The following BORCS5 variants were observed in gnomAD, a reference collection of about 807,000 sequenced individuals.
BORCS5 encodes the protein BLOC-1 related complex subunit 5, also known as BLOC-1-related complex subunit 5.
A neutral mutation model predicts 22.1 loss-of-function variants in BORCS5; 17 were observed. The ratio of observed to expected loss-of-function variants is 0.77; its 90% CI spans 0.53 to 1.15. The LOEUF is 1.15. Among genes scored for constraint, BORCS5 ranks in the 50% most tolerant of loss-of-function variants. The pLI, the probability that BORCS5 is intolerant of heterozygous loss-of-function variation, is 0.00. For synonymous variants in BORCS5, 117 were observed against 99.8 expected, an observed-to-expected ratio of 1.17 and a Z score of -1.03; for missense variants, 247 against 253.2, an observed-to-expected ratio of 0.98 and a Z score of 0.17.
chr12:12,375,214 T>C (rs1367938463), intron 2 of BORCS5, among the ~76,000 whole-genome samples: 2 of 152,120 alleles, frequency 1.3e-5, no homozygotes, highest in African/African-American at 4.8e-5. Context: ...TGTTTTACCA[T>C]GTTGGCCAAG....
intron 2 of BORCS5, among the ~76,000 whole-genome samples, chr12:12,403,483 G>A (rs965877608): frequency 3.3e-5 from 5 of 152,178 alleles, no homozygotes; most frequent in Admixed American, 1.3e-4. Flanking sequence ...GCTGTGGGGG[G>A]CACCTTCCTG....
chr12:12,420,672 C>G (rs34026123), intron 2 of BORCS5, among the ~76,000 whole-genome samples: 1 of 152,054 alleles, frequency 6.6e-6, no homozygotes, highest in South Asian at 2.1e-4. Flanking sequence ...TCTTTGTATC[C>G]GTGAGCATGG....
At chr12:12,437,703 C>T (rs987556945) in intron 3 of BORCS5, among the ~76,000 whole-genome samples, 1 of 152,076 alleles carries the variant, frequency 6.6e-6, no homozygotes, top group Non-Finnish European at 1.5e-5. Flanking sequence ...TATTAATGTC[C>T]CATAAAGTAG....
intron 2 of BORCS5, among the ~76,000 whole-genome samples, chr12:12,398,193 T>A (rs1941394337): frequency 6.6e-6 from 1 of 152,184 alleles, no homozygotes; most frequent in African/African-American, 2.4e-5. Context: ...GCCTCAAAAC[T>A]GAGCAAACGT....
chr12:12,468,889 A>G lies in BORCS5; in HGVS notation c.*3113A>G, dbSNP rs2136171199. 1 of 152,250 alleles carries G rather than the reference A, an allele frequency of 6.6e-6. No individual in the cohort carries two copies. Among genetic ancestry groups the G allele is most frequent in the East Asian group, 1.9e-4 (1 of 5,176 alleles). 9.4% of individuals were successfully genotyped at this position (152,250 alleles called of 1,614,324 possible). ...AGTTTTATTCTTAGTAACGCTATAT[A>G]TGGTTTTATAGACCACACATATATA... is the stretch of plus-strand genomic sequence containing the variant. On this transcript the variant is annotated 3_prime_UTR_variant, in exon 4 of 4. Coordinates refer to ENST00000314565, the MANE Select transcript of BORCS5 (RefSeq NM_058169.6).
At position 12,466,067 on chromosome 12, in the gene BORCS5, G is replaced by GT. The variant is rs61212144; in HGVS notation, c.*306dup. 4.1e-3 allele frequency: 855 copies of GT among 207,614 alleles called. No homozygotes were observed. The highest frequency in any genetic ancestry group is 7.0e-3 in the South Asian group (67 of 9,552). The allele number at this position is 207,614 out of a possible 1,614,324, so 12.9% of individuals were successfully genotyped here. On this transcript the variant is annotated 3_prime_UTR_variant, in exon 4 of 4. Coordinates refer to ENST00000314565, the MANE Select transcript of BORCS5 (RefSeq NM_058169.6). Reference sequence around the variant, plus strand: ...CTGCATTGAGAATTATTTTTATTTAGTTTTTTTTTTTTTTTAATTGAGAGT... The same window carrying GT: ...CTGCATTGAGAATTATTTTTATTTAGTTTTTTTTTTTTTTTTAATTGAGAGT...
At chr12:12,379,117 C>CT (rs1036233741) in intron 2 of BORCS5, among the ~76,000 whole-genome samples, 1,962 of 143,030 alleles carry the variant, frequency 0.014, 79 homozygotes, top group African/African-American at 0.044. Flanking sequence ...TTTCTTTTCT[C>CT]TTTTTTTTTT....
In BORCS5 at chr12:12,468,028, C is replaced by T. The variant is rs1425014246; in HGVS notation, c.*2252C>T. On this transcript the variant is annotated 3_prime_UTR_variant, in exon 4 of 4. Coordinates refer to ENST00000314565, the MANE Select transcript of BORCS5 (RefSeq NM_058169.6). ...TGAAGGTTTGGGGATGAGAGACCAGCACGGGCTCTGATGAGAGACAGGTGC... is the reference window on the plus strand; with the variant it reads ...TGAAGGTTTGGGGATGAGAGACCAGTACGGGCTCTGATGAGAGACAGGTGC... 1 of 152,226 alleles carries T rather than the reference C, an allele frequency of 6.6e-6. No homozygotes were observed. The highest frequency in any genetic ancestry group is 1.5e-5 in the Non-Finnish European group (1 of 68,082). The allele number at this position is 152,226 out of a possible 1,614,324, so 9.4% of individuals were successfully genotyped here. A position where few individuals can be genotyped will look rare whatever the true frequency, so the allele number is the denominator to read the frequency against.
chr12:12,412,539 T>A (rs1287503264), intron 2 of BORCS5, among the ~76,000 whole-genome samples: 1 of 152,238 alleles, frequency 6.6e-6, no homozygotes, highest in Non-Finnish European at 1.5e-5. Flanking sequence ...TCAGGTTTTC[T>A]ATATATGAGA....
In BORCS5 at chr12:12,357,320, C is replaced by T. The variant is rs1863162735; in HGVS notation, c.-132C>T. On this transcript the variant is annotated 5_prime_UTR_variant, in exon 1 of 4. Coordinates refer to ENST00000314565, the MANE Select transcript of BORCS5 (RefSeq NM_058169.6). Reference sequence around the variant, plus strand: ...GTGGGCTGGACGCGTCAGCCCCACACATTAGCCTCGCTGCGGCGCCCAGAC... The same window carrying T: ...GTGGGCTGGACGCGTCAGCCCCACATATTAGCCTCGCTGCGGCGCCCAGAC... 7.5e-6 allele frequency: 11 copies of T among 1,474,416 alleles called. No individual in the cohort carries two copies. The highest frequency in any genetic ancestry group is 2.3e-5 in the Admixed American group (1 of 42,922). 91.3% of individuals were successfully genotyped at this position (1,474,416 alleles called of 1,614,324 possible). A position where few individuals can be genotyped will look rare whatever the true frequency, so the allele number is the denominator to read the frequency against.
At chr12:12,453,416 C>G (rs1364672724) in intron 3 of BORCS5, among the ~76,000 whole-genome samples, 1 of 152,184 alleles carries the variant, frequency 6.6e-6, no homozygotes, top group Non-Finnish European at 1.5e-5. Context: ...GCAGACTCAG[C>G]TACCACCTTC....
In BORCS5 at chr12:12,452,763, A is replaced by G. The variant is rs536311708; in HGVS notation, c.361-12783A>G. ...TGTGCTAGAGAGAGGCGTCCAGGAA[A>G]GATTCATACTCCCAAACCCTCCATG... On this transcript the variant is annotated intron_variant, in intron 3 of 3. Transcript: ENST00000314565. 7.9e-5 allele frequency among the ~76,000 whole-genome samples: 12 copies of G among 152,354 alleles called. No homozygotes were observed. In the South Asian group the frequency reaches 1.7e-3, roughly 21 times the overall value.
rs190594803 is a variant in BORCS5, at chr12:12,394,369, A to C, written c.202+33020A>C. On this transcript the variant is annotated intron_variant, in intron 2 of 3. Coordinates refer to ENST00000314565, the MANE Select transcript of BORCS5 (RefSeq NM_058169.6). ...AGACAAACCAATAGGCCTCTGAGGC[A>C]GTCTGAAGGGCTTCCTGTTATTAAA... is the stretch of plus-strand genomic sequence containing the variant. 2.7e-4 allele frequency among the ~76,000 whole-genome samples: 41 copies of C among 152,096 alleles called. No individual in the cohort carries two copies. The East Asian group carries it at 7.9e-3, about 29-fold the overall frequency.
intron 2 of BORCS5, among the ~76,000 whole-genome samples, chr12:12,421,164 C>T (rs915789926): frequency 3.3e-5 from 5 of 152,088 alleles, no homozygotes; most frequent in Non-Finnish European, 7.4e-5. Context: ...TTTGCCCATT[C>T]GGTATGATAC....
In BORCS5 at chr12:12,396,808, A is replaced by G. The variant is rs575174880; in HGVS notation, c.202+35459A>G. ...CATTAACCTTTATGTTAATAAAATA[A>G]TGTTTTTAAATGAGCATATGAAATC... On this transcript the variant is annotated intron_variant, in intron 2 of 3. Transcript: ENST00000314565. Among the ~76,000 whole-genome samples the G allele has an allele frequency of 1.5e-4, 23 of 152,316 alleles. No individual in the cohort carries two copies. The South Asian group carries it at 4.3e-3, about 29-fold the overall frequency.
At position 12,357,478 on chromosome 12, in the gene BORCS5, C is replaced by T. The variant is rs780582408; in HGVS notation, c.27C>T (p.Ala9=). Residue 9 remains alanine, a synonymous_variant, in exon 1 of 4, where the codon GCC becomes GCT. Transcript: ENST00000314565. MGSEQSSE[A]ESRPNDLNSS... is the part of the protein sequence containing the mutation. ...TGGGCAGTGAGCAGAGCTCCGAGGCCGAGAGCCGACCCAACGATCTGAACT... is the reference window on the plus strand; with the variant it reads ...TGGGCAGTGAGCAGAGCTCCGAGGCTGAGAGCCGACCCAACGATCTGAACT... 6.2e-7 allele frequency: 1 copy of T among 1,611,150 alleles called. No homozygotes were observed. Among genetic ancestry groups the T allele is most frequent in the Admixed American group, 1.7e-5 (1 of 59,954 alleles).
chr12:12,371,690 A>G (rs886582377), intron 2 of BORCS5, among the ~76,000 whole-genome samples: 4 of 151,794 alleles, frequency 2.6e-5, no homozygotes, highest in South Asian at 2.1e-4. Flanking sequence ...AACTTTGGTC[A>G]TTATGTCTTC....
At chr12:12,370,099 T>C (rs1056298030) in intron 2 of BORCS5, among the ~76,000 whole-genome samples, 11 of 145,300 alleles carry the variant, frequency 7.6e-5, no homozygotes, top group East Asian at 2.0e-4. Context: ...AGTGGTTTTA[T>C]ACACACACAC....
At chr12:12,424,508 A>G (rs970529453) in intron 2 of BORCS5, among the ~76,000 whole-genome samples, 6 of 151,624 alleles carry the variant, frequency 4.0e-5, no homozygotes, top group African/African-American at 7.3e-5. Context: ...GTCTTTGTCT[A>G]GTGGATTTGC....
Sources: gnomAD v4.1 joint callset for allele counts (sites outside exome capture counted in the v4.1 genomes callset) on GRCh38, gnomAD v4.1.1 for gene constraint, MANE v1.5 for transcripts, NCBI Gene and HGNC (gene_info 2026-07-23, HGNC 2026-07-21) for gene names.